PTPRF: variants seen among roughly 807,000 people sequenced by gnomAD.
PTPRF encodes the protein protein tyrosine phosphatase receptor type F, also known as receptor-type tyrosine-protein phosphatase F.
In PTPRF, 59 loss-of-function variants were observed where a neutral mutation model predicts 201.8. That is an observed-to-expected ratio of 0.29 (90% CI 0.24 to 0.36). The LOEUF (loss-of-function observed/expected upper bound fraction) is 0.36, where lower values mean the gene tolerates loss of function less well. Ranked by LOEUF, PTPRF falls within the 10% of genes least tolerant of loss-of-function variation. The pLI, the probability that PTPRF is intolerant of heterozygous loss-of-function variation, is 1.00. For synonymous variants in PTPRF, 1,088 were observed against 1,089.7 expected, an observed-to-expected ratio of 1.00 and a Z score of 0.03; for missense variants, 2,132 against 2,690.5, an observed-to-expected ratio of 0.79 and a Z score of 4.59.
At chr1:43,555,548 C>T (rs764486605) in intron 5 of PTPRF, among the ~76,000 whole-genome samples, 9 of 149,790 alleles carry the variant, frequency 6.0e-5, no homozygotes, top group Admixed American at 2.0e-4. Flanking sequence ...TGGGTTCAAG[C>T]GATTCTCCTG....
Position 43,620,891 on chromosome 1 carries a change from G to C in PTPRF, c.5418G>C (p.Gln1806His). The change falls in exon 32 of 34, where the codon CAG becomes CAC. Residue 1806 changes from glutamine to histidine, a missense_variant. Gln to His is a conservative substitution (Grantham distance 24). Around this residue, in one of 6 missense-constraint regions of PTPRF, gnomAD observed 519 missense variants for 659.5 expected, o/e 0.79. Coordinates refer to ENST00000359947, the MANE Select transcript of PTPRF (RefSeq NM_002840.5). ...TCCAGTTCACAGACTGGCCAGAGCAGGGCGTGCCCAAGACAGGCGAGGGAT... is the reference window on the plus strand; with the variant it reads ...TCCAGTTCACAGACTGGCCAGAGCACGGCGTGCCCAAGACAGGCGAGGGAT... ...RQFQFTDWPE[Q>H]GVPKTGEGFI... 1.2e-6 allele frequency: 2 copies of C among 1,614,230 alleles called. No homozygotes were observed. Among genetic ancestry groups the C allele is most frequent in the Non-Finnish European group, 1.7e-6 (2 of 1,180,006 alleles).
chr1:43,539,275 G>A (rs185636859), intron 2 of PTPRF, among the ~76,000 whole-genome samples: 409 of 152,256 alleles, frequency 2.7e-3, no homozygotes, highest in African/African-American at 9.1e-3. Context: ...GGACAAGGGA[G>A]CATTTAAGGA....
At chr1:43,555,724 G>C (rs1455876657) in intron 5 of PTPRF, among the ~76,000 whole-genome samples, 1 of 152,108 alleles carries the variant, frequency 6.6e-6, no homozygotes, top group Non-Finnish European at 1.5e-5. Context: ...GATTACAGGC[G>C]TGAGCCACCA....
intron 6 of PTPRF, among the ~76,000 whole-genome samples, chr1:43,574,392 CTAT>C (rs914582679): frequency 1.3e-5 from 2 of 151,846 alleles, no homozygotes; most frequent in African/African-American, 4.8e-5. Context: ...TAATAAAAAC[CTAT>C]TATATATTAG....
rs68193223 is a variant in PTPRF, at chr1:43,615,551, C to CTTTTT, written c.4071+1862_4072-1864dup. Among the ~76,000 whole-genome samples the CTTTTT allele has an allele frequency of 4.9e-3, 411 of 84,130 alleles. 30 individuals carry two copies. Among genetic ancestry groups the CTTTTT allele is most frequent in the African/African-American group, 7.7e-3 (157 of 20,356 alleles). 55.2% of individuals were successfully genotyped at this position (84,130 alleles called of 152,430 possible). ...AGCCAGGACCCCATAGCTCTGTTGTCTTTTTTTTTTTTTTTTTTTTTTTTT... is the reference window on the plus strand; with the variant it reads ...AGCCAGGACCCCATAGCTCTGTTGTCTTTTTTTTTTTTTTTTTTTTTTTTTTTTTT... On this transcript the variant is annotated intron_variant, in intron 23 of 33. Transcript: ENST00000359947.
chr1:43,531,050 C>T lies in PTPRF; in HGVS notation c.-166C>T. The T allele has an allele frequency of 6.5e-6, 1 of 153,184 alleles. No individual in the cohort carries two copies. Among genetic ancestry groups the T allele is most frequent in the Non-Finnish European group, 1.5e-5 (1 of 68,400 alleles). 9.5% of individuals were successfully genotyped at this position (153,184 alleles called of 1,614,324 possible). A position where few individuals can be genotyped will look rare whatever the true frequency, so the allele number is the denominator to read the frequency against. ...GGAGTGGGAGCAGCGGCCCTAGCGG[C>T]TTGCGGGGGGACATGCGGACCGACG... On this transcript the variant is annotated 5_prime_UTR_variant, in exon 1 of 34. Coordinates refer to ENST00000359947, the MANE Select transcript of PTPRF (RefSeq NM_002840.5).
intron 3 of PTPRF, 51 bp downstream of exon 3, chr1:43,545,217 C>A (rs1469091099): frequency 4.6e-6 from 7 of 1,528,566 alleles, no homozygotes; most frequent in East Asian, 2.4e-5. Flanking sequence ...AGGTGGCATC[C>A]TTCCCAGCAG....
At chr1:43,602,131 TG>T (rs1653909416) in intron 14 of PTPRF, 34 bp downstream of exon 14, 1 of 1,599,420 alleles carries the variant, frequency 6.3e-7, no homozygotes, top group African/African-American at 1.3e-5. Flanking sequence ...GGACAAGACA[TG>T]GGTCAAGCTG....
At chr1:43,589,096 G>A in intron 8 of PTPRF, 96 bp downstream of exon 8, 1 of 1,390,572 alleles carries the variant, frequency 7.2e-7, no homozygotes, top group Non-Finnish European at 9.4e-7. Context: ...GCACAGGCAT[G>A]GCTGAGGGAT....
intron 5 of PTPRF, among the ~76,000 whole-genome samples, chr1:43,567,273 A>C (rs765276176): frequency 6.6e-6 from 1 of 152,154 alleles, no homozygotes. Flanking sequence ...CTATGGAAGC[A>C]AGCAGCAGCT....
In PTPRF at chr1:43,537,127, G is replaced by A. The variant is rs891974911; in HGVS notation, c.-125-1071G>A. Among the ~76,000 whole-genome samples, 8 of 152,168 alleles carry A rather than the reference G, an allele frequency of 5.3e-5. No homozygotes were observed. The highest frequency in any genetic ancestry group is 1.3e-4 in the Admixed American group (2 of 15,280). ...AAGCCTGCTGCAAGGTGCAGCTTGCGTCGAGTAGGCCAAACAGCTGAGCTT... is the reference window on the plus strand; with the variant it reads ...AAGCCTGCTGCAAGGTGCAGCTTGCATCGAGTAGGCCAAACAGCTGAGCTT... On this transcript the variant is annotated intron_variant, in intron 1 of 33. Coordinates refer to ENST00000359947, the MANE Select transcript of PTPRF (RefSeq NM_002840.5). This position sits in a 1 kb window ranked among gnomAD's most constrained non-coding sequence, Gnocchi z 4.8.
Position 43,622,141 on chromosome 1 carries a change from C to T in PTPRF, c.*138C>T, listed in dbSNP as rs773672788. The T allele has an allele frequency of 1.6e-5, 14 of 899,456 alleles. No homozygotes were observed. The highest frequency in any genetic ancestry group is 2.6e-5 in the East Asian group (1 of 39,194). 55.7% of individuals were successfully genotyped at this position (899,456 alleles called of 1,614,324 possible). A position where few individuals can be genotyped will look rare whatever the true frequency, so the allele number is the denominator to read the frequency against. On this transcript the variant is annotated 3_prime_UTR_variant, in exon 34 of 34. Coordinates refer to ENST00000359947, the MANE Select transcript of PTPRF (RefSeq NM_002840.5). ...AGAGCACAGCCCACGGGGATCACAG[C>T]GTTTCAGGAACGTTGCCACACCAAT...
intron 23 of PTPRF, among the ~76,000 whole-genome samples, chr1:43,615,561 TTTTTTTTTTTTTTTTTTTTTC>T (rs1357788488): frequency 6.4e-5 from 4 of 62,100 alleles, no homozygotes; most frequent in African/African-American, 1.7e-4. Flanking sequence ...CTTTTTTTTT[TTTTTTTTTTTTTTTTTTTTTC>T]TTTTTTGGAA....
At chr1:43,558,622 G>C (rs1454979360) in intron 5 of PTPRF, among the ~76,000 whole-genome samples, 1 of 152,162 alleles carries the variant, frequency 6.6e-6, no homozygotes, top group African/African-American at 2.4e-5. Context: ...CCTCTCCCTC[G>C]CCGGGTAATG....
intron 1 of PTPRF, among the ~76,000 whole-genome samples, chr1:43,531,427 G>A (rs1157411621): frequency 1.2e-5 from 1 of 85,542 alleles, no homozygotes; most frequent in Non-Finnish European, 2.2e-5. Context: ...AAAGTTTCCC[G>A]TTTGCGTTCT....
intron 11 of PTPRF, among the ~76,000 whole-genome samples, chr1:43,595,512 G>A (rs546578559): frequency 1.3e-4 from 20 of 152,298 alleles, no homozygotes; most frequent in African/African-American, 1.9e-4. Context: ...GAGCCACCGC[G>A]CCCGGCCTGG....
At chr1:43,584,131 T>C (rs979536908) in intron 7 of PTPRF, among the ~76,000 whole-genome samples, 4 of 152,134 alleles carry the variant, frequency 2.6e-5, no homozygotes, top group African/African-American at 9.7e-5. Flanking sequence ...CCACTGATGC[T>C]GGGGTTGGCA....
rs1649695431 is a variant in PTPRF, at chr1:43,588,293, A to C, written c.680-438A>C. Among the ~76,000 whole-genome samples the C allele has an allele frequency of 6.6e-6, 1 of 151,860 alleles. No individual in the cohort carries two copies. Among genetic ancestry groups the C allele is most frequent in the Non-Finnish European group, 1.5e-5 (1 of 67,932 alleles). On this transcript the variant is annotated intron_variant, in intron 7 of 33. Coordinates refer to ENST00000359947, the MANE Select transcript of PTPRF (RefSeq NM_002840.5). The surrounding 1 kb of genome is among the most constrained non-coding windows in gnomAD (Gnocchi z 5.3). Reference sequence around the variant, plus strand: ...TGCTCTGCCCAGCCATGCTCTGAGGACCCTCCACCCTAGGGCCTGCTTTCT... The same window carrying C: ...TGCTCTGCCCAGCCATGCTCTGAGGCCCCTCCACCCTAGGGCCTGCTTTCT...
intron 2 of PTPRF, among the ~76,000 whole-genome samples, chr1:43,541,132 C>G (rs996000028): frequency 6.6e-6 from 1 of 152,354 alleles, no homozygotes; most frequent in East Asian, 1.9e-4. Flanking sequence ...CCTGGATACC[C>G]CTCCTTCTGC....
Sources: gnomAD v4.1 joint callset for allele counts (sites outside exome capture counted in the v4.1 genomes callset) on GRCh38, gnomAD v4.1.1 for gene constraint, gnomAD v4.1.1 regional missense constraint, Gnocchi (gnomAD v3.1) non-coding constraint, MANE v1.5 for transcripts, NCBI Gene and HGNC (gene_info 2026-07-23, HGNC 2026-07-21) for gene names.